The following TBC1D2 variants were observed in gnomAD, a reference collection of about 807,000 sequenced individuals.
TBC1D2 encodes TBC1 domain family member 2.
TBC1D2 carries 58 observed loss-of-function variants against 91.1 expected under a neutral mutation model. The observed-to-expected ratio is 0.64, with a 90% confidence interval of 0.52 to 0.79. The LOEUF is 0.79. TBC1D2 is among the 30% of genes least tolerant of loss of function. The pLI, the probability that TBC1D2 is intolerant of heterozygous loss-of-function variation, is 0.00. For missense variants in TBC1D2, 1,080 were observed against 1,208.3 expected (o/e 0.89, Z 1.57); for synonymous variants, 482 against 511.5 (o/e 0.94, Z 0.78).
intron 5 of TBC1D2, among the ~76,000 whole-genome samples, chr9:98,222,808 C>A (rs191380205): frequency 7.2e-5 from 11 of 152,344 alleles, no homozygotes; most frequent in Admixed American, 5.2e-4. Context: ...GGCTGGATAG[C>A]CTTATTTGCT....
intron 6 of TBC1D2, among the ~76,000 whole-genome samples, chr9:98,217,716 A>AT (rs756446106): frequency 1.3e-4 from 19 of 149,612 alleles, no homozygotes; most frequent in Middle Eastern, 3.4e-3. Flanking sequence ...TCTCTTTTTT[A>AT]TTTTTTTTTT....
intron 1 of TBC1D2, 139 bp from the exon 2 acceptor site, chr9:98,252,065 T>C: frequency 9.0e-7 from 1 of 1,110,550 alleles, no homozygotes; most frequent in East Asian, 2.9e-5. Context: ...TAGGTATGTA[T>C]GCTTCCTGGC....
At chr9:98,220,753 T>C (rs1588043568) in intron 6 of TBC1D2, 80 bp downstream of exon 6, 2 of 1,548,912 alleles carry the variant, frequency 1.3e-6, no homozygotes, top group Non-Finnish European at 1.8e-6. Flanking sequence ...AGCAAACCCT[T>C]AGGGGTGGAG....
chr9:98,199,271 A>T lies in TBC1D2; in HGVS notation c.*110T>A. 8.3e-7 allele frequency: 1 copy of T among 1,207,556 alleles called. No individual in the cohort carries two copies. Among genetic ancestry groups the T allele is most frequent in the African/African-American group, 1.5e-5 (1 of 66,992 alleles). 74.8% of individuals were successfully genotyped at this position (1,207,556 alleles called of 1,614,324 possible). ...CCAGAGAGGGGAAGGGACATGTCCA[A>T]GGTCACATGGTGATGGGACACCCAG... On this transcript the variant is annotated 3_prime_UTR_variant, in exon 13 of 13. Coordinates refer to ENST00000465784, the MANE Select transcript of TBC1D2 (RefSeq NM_001267571.2).
intron 1 of TBC1D2, among the ~76,000 whole-genome samples, chr9:98,254,866 C>T (rs905890071): frequency 6.6e-6 from 1 of 152,182 alleles, no homozygotes. Context: ...TTTGATTCAG[C>T]ACTGAGAGGT....
chr9:98,228,886 T>C lies in TBC1D2; in HGVS notation c.978+66A>G. The C allele has an allele frequency of 2.0e-6, 3 of 1,519,994 alleles. No homozygotes were observed. Among genetic ancestry groups the C allele is most frequent in the Non-Finnish European group, 2.7e-6 (3 of 1,114,118 alleles). 94.2% of individuals were successfully genotyped at this position (1,519,994 alleles called of 1,614,324 possible). ...CGGCTAATGCGTCCCATCTAGCTTA[T>C]CCGAAAGGCTCCAGGAACTGGAGGG... On this transcript the variant is annotated intron_variant, in intron 5 of 12. Coordinates refer to ENST00000465784, the MANE Select transcript of TBC1D2 (RefSeq NM_001267571.2). This position sits in a 1 kb window ranked among gnomAD's most constrained non-coding sequence, Gnocchi z 4.0.
At chr9:98,208,597 A>G (rs1828718788) in intron 9 of TBC1D2, 71 bp downstream of exon 9, 9 of 1,455,524 alleles carry the variant, frequency 6.2e-6, no homozygotes, top group Admixed American at 2.3e-5. Flanking sequence ...CTGCCTGTCC[A>G]CAGTCTGAGG....
Position 98,213,120 on chromosome 9 carries a change from G to C in TBC1D2, c.1473C>G (p.Ala491=), listed in dbSNP as rs1349260938. The change falls in exon 7 of 13, where the codon GCC becomes GCG. Residue 491 remains alanine, a synonymous_variant. Transcript: ENST00000465784. ...IWRKVAEKEK[A]LLTKCAYLQA... is the part of the protein sequence containing the mutation. ...CCCCACCCCGCACCTTCGTCAGAAG[G>C]GCCTTCTCCTTCTCAGCCACCTTTC... The C allele has an allele frequency of 6.2e-7, 1 of 1,614,120 alleles. No homozygotes were observed. The highest frequency in any genetic ancestry group is 1.7e-5 in the Admixed American group (1 of 60,004).
At chr9:98,227,400 C>T (rs181592921) in intron 5 of TBC1D2, among the ~76,000 whole-genome samples, 156 of 152,220 alleles carry the variant, frequency 1.0e-3, no homozygotes, top group African/African-American at 3.6e-3. Context: ...GAGTTAAGAA[C>T]GTATGAATAA....
chr9:98,234,155 G>A (rs4742719), intron 3 of TBC1D2, among the ~76,000 whole-genome samples: 36,732 of 152,032 alleles, frequency 0.24, 4,663 homozygotes, highest in Non-Finnish European at 0.28. Context: ...ACTTCGCAGC[G>A]GGGTCACCCT....
rs148227443 is a variant in TBC1D2, at chr9:98,227,464, A to G, written c.978+1488T>C. Among the ~76,000 whole-genome samples, 221 of 152,292 alleles carry G rather than the reference A, an allele frequency of 1.5e-3. 1 individual carries two copies. The highest frequency in any genetic ancestry group is 5.2e-3 in the African/African-American group (215 of 41,550). ...GTCTAATCACCAGTTGCTTCACTAA[A>G]TGTAACTCCTGGCCAGGCACGGTGG... On this transcript the variant is annotated intron_variant, in intron 5 of 12. Transcript: ENST00000465784.
intron 9 of TBC1D2, among the ~76,000 whole-genome samples, chr9:98,207,431 G>C (rs190438780): frequency 1.1e-4 from 17 of 152,214 alleles, no homozygotes; most frequent in Non-Finnish European, 2.5e-4. Flanking sequence ...GGGCTGGAGC[G>C]GGGGGATGAC....
At position 98,228,702 on chromosome 9, in the gene TBC1D2, T is replaced by C. The variant is rs190657945; in HGVS notation, c.978+250A>G. Among the ~76,000 whole-genome samples, 8 of 152,234 alleles carry C rather than the reference T, an allele frequency of 5.3e-5. No homozygotes were observed. In the East Asian group the frequency reaches 1.5e-3, roughly 29 times the overall value. On this transcript the variant is annotated intron_variant, in intron 5 of 12. Coordinates refer to ENST00000465784, the MANE Select transcript of TBC1D2 (RefSeq NM_001267571.2). The surrounding 1 kb of genome is among the most constrained non-coding windows in gnomAD (Gnocchi z 4.0). Reference sequence around the variant, plus strand: ...ACCATGCATGGCCCTCCAGGAGGGGTCCAAGAGACAGTTATTAGAGTAGAT... The same window carrying C: ...ACCATGCATGGCCCTCCAGGAGGGGCCCAAGAGACAGTTATTAGAGTAGAT...
At chr9:98,202,777 A>G (rs1294931741) in intron 10 of TBC1D2, among the ~76,000 whole-genome samples, 3 of 152,272 alleles carry the variant, frequency 2.0e-5, no homozygotes, top group Non-Finnish European at 2.9e-5. Flanking sequence ...AAAGGGTCAT[A>G]TAACACACAT....
intron 3 of TBC1D2, 113 bp downstream of exon 3, chr9:98,243,881 G>T: frequency 7.3e-7 from 1 of 1,370,372 alleles, no homozygotes; most frequent in Non-Finnish European, 1.0e-6. Context: ...TGAAAATAAA[G>T]CCCATAACCC....
At chr9:98,220,411 C>T (rs1829066165) in intron 6 of TBC1D2, among the ~76,000 whole-genome samples, 1 of 152,146 alleles carries the variant, frequency 6.6e-6, no homozygotes, top group Non-Finnish European at 1.5e-5. Context: ...TGCAGGTCAT[C>T]CGTACAGTGT....
At chr9:98,209,623 AAT>A (rs1828759420) in intron 8 of TBC1D2, among the ~76,000 whole-genome samples, 1 of 152,040 alleles carries the variant, frequency 6.6e-6, no homozygotes, top group Admixed American at 6.6e-5. Context: ...TGATTTATTC[AAT>A]GTTGACTCAC....
At chr9:98,209,249 C>G (rs1453594299) in intron 8 of TBC1D2, 105 bp from the exon 9 acceptor site, 18 of 1,113,224 alleles carry the variant, frequency 1.6e-5, no homozygotes, top group Non-Finnish European at 2.4e-5. Flanking sequence ...CCTGCCTTCA[C>G]TGAGGGTTAA....
At chr9:98,246,800 G>A (rs1829772862) in intron 2 of TBC1D2, among the ~76,000 whole-genome samples, 1 of 152,076 alleles carries the variant, frequency 6.6e-6, no homozygotes, top group Admixed American at 6.6e-5. Context: ...ACAGTAAGGG[G>A]TTTCAGACCC....
Sources: allele counts gnomAD v4.1 joint callset (sites outside exome capture counted in the v4.1 genomes callset), GRCh38; gene constraint gnomAD v4.1.1; non-coding constraint Gnocchi (gnomAD v3.1); transcripts MANE v1.5; gene names NCBI Gene and HGNC (gene_info 2026-07-23, HGNC 2026-07-21).